SPATA17: variants seen among roughly 807,000 people sequenced by gnomAD.
SPATA17 encodes spermatogenesis-associated protein 17.
In SPATA17, 53 loss-of-function variants were observed where a neutral mutation model predicts 62.2. The observed-to-expected ratio is 0.85, with a 90% CI of 0.68 to 1.07. The LOEUF is 1.07. SPATA17 is among the 50% of genes least tolerant of loss of function. SPATA17 has a pLI of 0.00. For missense variants in SPATA17, 466 were observed against 425.5 expected (o/e 1.10, Z -0.84); for synonymous variants, 146 against 146.8 (o/e 0.99, Z 0.04).
intron 4 of SPATA17, among the ~76,000 whole-genome samples, chr1:217,679,817 T>C (rs1434295114): frequency 6.6e-6 from 1 of 152,180 alleles, no homozygotes; most frequent in Non-Finnish European, 1.5e-5. Flanking sequence ...GGATTTTTTC[T>C]TTTTTAATTA....
intron 9 of SPATA17, among the ~76,000 whole-genome samples, chr1:217,843,693 T>C (rs1675462761): frequency 6.6e-6 from 1 of 152,072 alleles, no homozygotes; most frequent in African/African-American, 2.4e-5. Context: ...CAACTCTGCA[T>C]TGTAGCGCAA....
intron 6 of SPATA17, among the ~76,000 whole-genome samples, chr1:217,749,943 T>TTCTCTCTCTCTCTCTCTCTCTC (rs1188300100): frequency 2.4e-5 from 1 of 41,466 alleles, no homozygotes; most frequent in African/African-American, 9.3e-5. Context: ...TGTCATAAGA[T>TTCTCTCTCTCTCTCTCTCTCTC]TCTCTCTCTC....
At position 217,801,815 on chromosome 1, in the gene SPATA17, C is replaced by A; in HGVS notation, c.970C>A (p.Arg324=). Residue 324 remains arginine (R), a synonymous_variant, in exon 9 of 11, where the codon CGA becomes AGA. Transcript: ENST00000366933. ...TCCTATTTCTTACAAAGAACAATTCCGAAGTGAAAATCCTAAGAAATGGAT... is the reference window on the plus strand; with the variant it reads ...TCCTATTTCTTACAAAGAACAATTCAGAAGTGAAAATCCTAAGAAATGGAT... The part of the protein sequence containing the change: ...YGPISYKEQF[R]SENPKKWICD... 6.2e-7 allele frequency: 1 copy of A among 1,609,748 alleles called. No homozygotes were observed. Among genetic ancestry groups the A allele is most frequent in the South Asian group, 1.1e-5 (1 of 90,076 alleles).
Position 217,796,406 on chromosome 1 carries a change from G to T in SPATA17, c.873-5312G>T, listed in dbSNP as rs971693992. Among the ~76,000 whole-genome samples, 3 of 152,074 alleles carry T rather than the reference G, an allele frequency of 2.0e-5. No homozygotes were observed. The East Asian group carries it at 5.8e-4, about 29-fold the overall frequency. On this transcript the variant is annotated intron_variant, in intron 8 of 10. Coordinates refer to ENST00000366933, the MANE Select transcript of SPATA17 (RefSeq NM_138796.4). Reference sequence around the variant, plus strand: ...ATAATAATAATAAATCCAGGGAAATGTATTCCTCTGAAGCTAAGAAAAATG... The same window carrying T: ...ATAATAATAATAAATCCAGGGAAATTTATTCCTCTGAAGCTAAGAAAAATG...
chr1:217,800,074 T>G (rs1674266371), intron 8 of SPATA17, among the ~76,000 whole-genome samples: 1 of 152,184 alleles, frequency 6.6e-6, no homozygotes, highest in Non-Finnish European at 1.5e-5. Flanking sequence ...TGCATTATGA[T>G]GTCTGTTTCC....
chr1:217,785,976 A>G (rs1673850326), intron 8 of SPATA17, among the ~76,000 whole-genome samples: 1 of 152,150 alleles, frequency 6.6e-6, no homozygotes, highest in Non-Finnish European at 1.5e-5. Context: ...CCTCACTCAT[A>G]TGTCTATCCT....
intron 7 of SPATA17, among the ~76,000 whole-genome samples, chr1:217,777,407 G>A (rs559723653): frequency 3.3e-5 from 5 of 151,724 alleles, no homozygotes; most frequent in Non-Finnish European, 5.9e-5. Flanking sequence ...ATTTATATCC[G>A]TATTCTTTTT....
In SPATA17 at chr1:217,650,394, CTT is replaced by C. The variant is rs537117502; in HGVS notation, c.159-701_159-700del. Among the ~76,000 whole-genome samples, 778 of 152,126 alleles carry C rather than the reference CTT, an allele frequency of 5.1e-3. 8 individuals are homozygous for C. The highest frequency in any genetic ancestry group is 0.018 in the African/African-American group (761 of 41,524). ...GAACTATTTCTTAACCTCATGAATT[CTT>C]TCTCTCTCTCTCTTTCTCTCTTTCT... On this transcript the variant is annotated intron_variant, in intron 2 of 10. Transcript: ENST00000366933.
At chr1:217,732,786 C>T (rs566577088) in intron 5 of SPATA17, among the ~76,000 whole-genome samples, 30 of 147,592 alleles carry the variant, frequency 2.0e-4, no homozygotes, top group African/African-American at 6.7e-4. Context: ...CATTTGGAGC[C>T]CTGAAAATAA....
chr1:217,856,090 C>T (rs188081973), intron 9 of SPATA17, among the ~76,000 whole-genome samples: 7 of 151,952 alleles, frequency 4.6e-5, no homozygotes, highest in East Asian at 1.9e-4. Context: ...AGTAGAAACT[C>T]GAGGATAAGT....
At chr1:217,790,780 G>A (rs1264924199) in intron 8 of SPATA17, among the ~76,000 whole-genome samples, 1 of 152,142 alleles carries the variant, frequency 6.6e-6, no homozygotes, top group African/African-American at 2.4e-5. Context: ...GTATGATTTC[G>A]TAGACATTAC....
intron 9 of SPATA17, among the ~76,000 whole-genome samples, chr1:217,843,125 G>A (rs985397524): frequency 6.6e-6 from 1 of 151,978 alleles, no homozygotes; most frequent in Non-Finnish European, 1.5e-5. Flanking sequence ...AATGCTTTAT[G>A]TCCCAGGATC....
intron 5 of SPATA17, among the ~76,000 whole-genome samples, chr1:217,726,197 T>C (rs965589997): frequency 6.6e-6 from 1 of 152,188 alleles, no homozygotes; most frequent in African/African-American, 2.4e-5. Flanking sequence ...GCAGCTGTGC[T>C]TTTGTCACTA....
At chr1:217,790,589 C>T (rs1249343583) in intron 8 of SPATA17, among the ~76,000 whole-genome samples, 3 of 151,994 alleles carry the variant, frequency 2.0e-5, no homozygotes, top group African/African-American at 7.2e-5. Context: ...TACAGGCGTC[C>T]GCCACCGTGC....
rs774455889 is a variant in SPATA17, at chr1:217,782,288, A to G, written c.838A>G (p.Arg280Gly). The change falls in exon 8 of 11, where the codon AGA becomes GGA. Residue 280 changes from arginine (R) to glycine (G), a missense_variant. Transcript: ENST00000366933. ...ELKLAREELR[R>G]EEWLQNVNDN... Reference sequence around the variant, plus strand: ...AAAGTTGGCCAGAGAGGAGCTCAGAAGAGAGGAATGGCTGCAAAATGTAAA... The same window carrying G: ...AAAGTTGGCCAGAGAGGAGCTCAGAGGAGAGGAATGGCTGCAAAATGTAAA... The G allele has an allele frequency of 6.2e-7, 1 of 1,610,934 alleles. No individual in the cohort carries two copies. Among genetic ancestry groups the G allele is most frequent in the Admixed American group, 1.7e-5 (1 of 59,428 alleles).
intron 8 of SPATA17, among the ~76,000 whole-genome samples, chr1:217,787,782 C>T (rs539442626): frequency 2.0e-5 from 3 of 151,968 alleles, no homozygotes; most frequent in African/African-American, 4.8e-5. Flanking sequence ...ATTGTCAACC[C>T]TTTCTTGTGT....
At chr1:217,859,813 A>G (rs905065911) in intron 9 of SPATA17, among the ~76,000 whole-genome samples, 5 of 152,060 alleles carry the variant, frequency 3.3e-5, no homozygotes, top group Admixed American at 6.6e-5. Context: ...TCACCTGGTT[A>G]TGAGTTTATC....
At chr1:217,736,122 T>C (rs1380746269) in intron 5 of SPATA17, among the ~76,000 whole-genome samples, 1 of 152,032 alleles carries the variant, frequency 6.6e-6, no homozygotes, top group Non-Finnish European at 1.5e-5. Context: ...AAAGAAAAAA[T>C]GTAACAAGGA....
chr1:217,673,506 C>A (rs1670874815), intron 4 of SPATA17, among the ~76,000 whole-genome samples: 1 of 152,150 alleles, frequency 6.6e-6, no homozygotes, highest in Admixed American at 6.5e-5. Flanking sequence ...CTTTTCTACT[C>A]CATTGTGGAT....
Sources: allele counts gnomAD v4.1 joint callset (sites outside exome capture counted in the v4.1 genomes callset), GRCh38; gene constraint gnomAD v4.1.1; transcripts MANE v1.5; gene names NCBI Gene and HGNC (gene_info 2026-07-23, HGNC 2026-07-21).